WDR35: variants seen among roughly 807,000 people sequenced by gnomAD.
WDR35 encodes WD repeat-containing protein 35.
In WDR35, 118 loss-of-function variants were observed where a neutral mutation model predicts 158.3. The ratio of observed to expected loss-of-function variants is 0.75; its 90% CI spans 0.64 to 0.87. The LOEUF (loss-of-function observed/expected upper bound fraction) is 0.87. Among genes scored for constraint, WDR35 ranks in the 40% least tolerant of loss-of-function variants. The pLI, the probability that WDR35 is intolerant of heterozygous loss-of-function variation, is 0.00. For missense variants in WDR35, 1,263 were observed against 1,405.8 expected, an observed-to-expected ratio of 0.90 and a Z score of 1.62; for synonymous variants, 448 against 476.1, an observed-to-expected ratio of 0.94 and a Z score of 0.77.
At position 19,930,527 on chromosome 2, in the gene WDR35, A is replaced by G. The variant is rs1670493499; in HGVS notation, c.2990T>C (p.Leu997Pro). The G allele has an allele frequency of 1.9e-6, 3 of 1,614,048 alleles. No homozygotes were observed. The highest frequency in any genetic ancestry group is 1.1e-5 in the South Asian group (1 of 91,086). Reference protein sequence around the residue: ...SEATSALAGLLEEEVLSTTDR... With the variant: ...SEATSALAGLPEEEVLSTTDR... The stretch of plus-strand genomic sequence containing the variant: ...TGTTGTAGACAGAACTTCTTCTTCC[A>G]GCAAACCAGCCAAGGCAGAAGTGGC... The change falls in exon 25 of 27, where the codon CTG (leucine) becomes CCG (proline). Residue 997 changes from leucine (L) to proline (P), a missense_variant. Leu to Pro is a moderately conservative substitution (Grantham distance 98). Coordinates refer to ENST00000281405, the MANE Select transcript of WDR35 (RefSeq NM_020779.4).
chr2:19,924,446 G>A (rs1325298821), intron 25 of WDR35, among the ~76,000 whole-genome samples: 2 of 152,082 alleles, frequency 1.3e-5, no homozygotes, highest in African/African-American at 4.8e-5. Flanking sequence ...CGCCTGTAGT[G>A]CCAGCTAATC....
At position 19,953,940 on chromosome 2, in the gene WDR35, C is replaced by T. The variant is rs767520858; in HGVS notation, c.1294G>A (p.Ala432Thr). 2 of 1,614,156 alleles carry T rather than the reference C, an allele frequency of 1.2e-6. No individual in the cohort carries two copies. Among genetic ancestry groups the T allele is most frequent in the Non-Finnish European group, 1.7e-6 (2 of 1,180,006 alleles). Residue 432 changes from alanine (A) to threonine (T), a missense_variant, in exon 12 of 27, where the codon GCA becomes ACA. Transcript: ENST00000281405. The part of the protein sequence containing the change: ...FVAMTKTHVI[A>T]ASKEAFYTWQ... ...GTATAAAATGCTTCTTTCGAGGCTG[C>T]TATCACATGGGTTTTGGTCATTGCA... is the stretch of plus-strand genomic sequence containing the variant.
chr2:19,915,818 C>T (rs1669971035), intron 25 of WDR35, among the ~76,000 whole-genome samples: 1 of 151,562 alleles, frequency 6.6e-6, no homozygotes, highest in African/African-American at 2.4e-5. Context: ...CACATGTTCT[C>T]ACTCATATGT....
rs756730423 is a variant in WDR35 at position 19,989,251 on chromosome 2, C to A, written c.56G>T (p.Cys19Phe). Reference protein sequence around the residue: ...ISIPNNVKLQCVSWNKEQGFI... With the variant: ...ISIPNNVKLQFVSWNKEQGFI... ...CCCTTGTTCCTTGTTCCAGGATACA[C>A]ACTGCAGCTTCACGTTATTGGGAAT... Residue 19 changes from cysteine to phenylalanine, a missense_variant, in exon 2 of 27, where the codon TGT (cysteine) becomes TTT (phenylalanine). Transcript: ENST00000281405. 6.2e-7 allele frequency: 1 copy of A among 1,614,214 alleles called. No individual in the cohort carries two copies. Among genetic ancestry groups the A allele is most frequent in the Non-Finnish European group, 8.5e-7 (1 of 1,180,050 alleles).
In WDR35 at chr2:19,966,708, A is replaced by C; in HGVS notation, c.1194+16T>G. 2 of 1,613,024 alleles carry C rather than the reference A, an allele frequency of 1.2e-6. No homozygotes were observed. Among genetic ancestry groups the C allele is most frequent in the Non-Finnish European group, 1.7e-6 (2 of 1,179,704 alleles). On this transcript the variant is annotated intron_variant, in intron 10 of 26. Coordinates refer to ENST00000281405, the MANE Select transcript of WDR35 (RefSeq NM_020779.4). Reference sequence around the variant, plus strand: ...AGTTAGCCCAGCTATGTCTTAAGATATCAAGAAACACCTACCTGAGGATGA... The same window carrying C: ...AGTTAGCCCAGCTATGTCTTAAGATCTCAAGAAACACCTACCTGAGGATGA...
At chr2:19,971,425 T>C (rs1414588433) in intron 8 of WDR35, among the ~76,000 whole-genome samples, 1 of 152,198 alleles carries the variant, frequency 6.6e-6, no homozygotes, top group Non-Finnish European at 1.5e-5. Context: ...TCTGTTGCAC[T>C]CTCTTTGCCC....
intron 10 of WDR35, among the ~76,000 whole-genome samples, chr2:19,962,665 A>C (rs1419255544): frequency 6.6e-6 from 1 of 152,118 alleles, no homozygotes; most frequent in Non-Finnish European, 1.5e-5. Context: ...AAATTTGTTT[A>C]ATTACTCAAA....
rs1393592663 is a variant in WDR35, at chr2:19,969,617, A to C, written c.883-12T>G. 1.9e-6 allele frequency: 3 copies of C among 1,613,014 alleles called. No individual in the cohort carries two copies. The highest frequency in any genetic ancestry group is 1.7e-6 in the Non-Finnish European group (2 of 1,179,582). ...AAAGTACCCAGATGCTGAAAAAGAAAGTTATCTTTAACCTAAAGTATAACA... is the reference window on the plus strand; with the variant it reads ...AAAGTACCCAGATGCTGAAAAAGAACGTTATCTTTAACCTAAAGTATAACA... On this transcript the variant is annotated splice_polypyrimidine_tract_variant and intron_variant, in intron 8 of 26. Coordinates refer to ENST00000281405, the MANE Select transcript of WDR35 (RefSeq NM_020779.4).
intron 11 of WDR35, among the ~76,000 whole-genome samples, chr2:19,954,539 T>C (rs1448601190): frequency 2.0e-5 from 3 of 152,112 alleles, no homozygotes; most frequent in Admixed American, 1.3e-4. Flanking sequence ...ACAGTGAAGA[T>C]ACACAAATGG....
At chr2:19,951,910 T>A (rs79626490) in intron 12 of WDR35, 1 of 157,058 alleles carries the variant, frequency 6.4e-6, no homozygotes, top group Non-Finnish European at 1.4e-5. Flanking sequence ...TTCTAATTAA[T>A]GCAACTTCTG....
At chr2:19,985,890 C>T (rs1672549258) in intron 2 of WDR35, among the ~76,000 whole-genome samples, 1 of 126,072 alleles carries the variant, frequency 7.9e-6, no homozygotes, top group African/African-American at 3.1e-5. Flanking sequence ...GAGTGAGACC[C>T]CATCTCGGGA....
At chr2:19,938,655 G>T (rs1386721613) in intron 17 of WDR35, among the ~76,000 whole-genome samples, 1 of 152,132 alleles carries the variant, frequency 6.6e-6, no homozygotes, top group Non-Finnish European at 1.5e-5. Flanking sequence ...GGCAGAAGGG[G>T]TCCCTCACAG....
In WDR35 at chr2:19,933,396, C is replaced by T. The variant is rs1352605829; in HGVS notation, c.2658+5G>A. On this transcript the variant is annotated splice_donor_5th_base_variant and intron_variant, in intron 22 of 26. Coordinates refer to ENST00000281405, the MANE Select transcript of WDR35 (RefSeq NM_020779.4). Reference sequence around the variant, plus strand: ...GCTGCACAGACAGAAAGTTTCAGTTCCTACTTGGTTGAGATGTACGCAGGT... The same window carrying T: ...GCTGCACAGACAGAAAGTTTCAGTTTCTACTTGGTTGAGATGTACGCAGGT... The T allele has an allele frequency of 1.2e-6, 2 of 1,611,184 alleles. No individual in the cohort carries two copies. The highest frequency in any genetic ancestry group is 2.2e-5 in the South Asian group (2 of 91,026).
In WDR35 at chr2:19,951,575, A is replaced by G; in HGVS notation, c.1401-91T>C. 2.1e-6 allele frequency: 2 copies of G among 937,684 alleles called. 1 individual carries two copies. The highest frequency in any genetic ancestry group is 3.1e-5 in the South Asian group (2 of 63,554). 58.1% of individuals were successfully genotyped at this position (937,684 alleles called of 1,614,324 possible). On this transcript the variant is annotated intron_variant, in intron 12 of 26. Coordinates refer to ENST00000281405, the MANE Select transcript of WDR35 (RefSeq NM_020779.4). ...AATAAACGATTGGACAACATCAATT[A>G]ATACTGTTATTTAATATAAAAATTC...
At chr2:19,942,548 AT>A (rs71990395) in intron 16 of WDR35, among the ~76,000 whole-genome samples, 22 of 150,812 alleles carry the variant, frequency 1.5e-4, no homozygotes, top group African/African-American at 4.6e-4. Flanking sequence ...ATCATTAGAA[AT>A]TTTTTTTTTA....
At chr2:19,964,381 CTTTT>C (rs558586617) in intron 10 of WDR35, among the ~76,000 whole-genome samples, 1 of 113,426 alleles carries the variant, frequency 8.8e-6, no homozygotes, top group Non-Finnish European at 1.8e-5. Context: ...CTTTTCTTTT[CTTTT>C]TTTTTTTTTT....
chr2:19,978,519 T>C (rs1672280735), intron 5 of WDR35, among the ~76,000 whole-genome samples: 1 of 152,276 alleles, frequency 6.6e-6, no homozygotes, highest in Admixed American at 6.5e-5. Flanking sequence ...GTTAATTCAA[T>C]TTTTTCAATG....
intron 23 of WDR35, among the ~76,000 whole-genome samples, chr2:19,931,932 C>T (rs187752590): frequency 5.1e-4 from 78 of 152,020 alleles, no homozygotes; most frequent in African/African-American, 1.8e-3. Context: ...TTATGTAAAG[C>T]GTAATATTTA....
At chr2:19,967,272 A>T (rs1187291888) in intron 9 of WDR35, among the ~76,000 whole-genome samples, 1 of 152,190 alleles carries the variant, frequency 6.6e-6, no homozygotes. Context: ...TCCAAGTCGA[A>T]ATTCAAAAAT....
Sources: allele counts gnomAD v4.1 joint callset (sites outside exome capture counted in the v4.1 genomes callset), GRCh38; gene constraint gnomAD v4.1.1; transcripts MANE v1.5; gene names NCBI Gene and HGNC (gene_info 2026-07-23, HGNC 2026-07-21).